MAGI1: variants seen among roughly 807,000 people sequenced by gnomAD.
The protein encoded by MAGI1 is membrane associated guanylate kinase, WW and PDZ domain containing 1.
In MAGI1, 58 loss-of-function variants were observed where a neutral mutation model predicts 139.9. The ratio of observed to expected loss-of-function variants is 0.41; its 90% CI spans 0.34 to 0.52. The LOEUF (loss-of-function observed/expected upper bound fraction) is 0.52, where lower values mean the gene tolerates loss of function less well. MAGI1 is among the 20% of genes least tolerant of loss of function. The pLI, the probability that MAGI1 is intolerant of heterozygous loss-of-function variation, is 0.12. For synonymous variants in MAGI1, 812 were observed against 737.9 expected (o/e 1.10, Z -1.63); for missense variants, 1,874 against 1,901.6 (o/e 0.99, Z 0.27).
At chr3:65,615,634 A>G (rs2083329981) in intron 2 of MAGI1, among the ~76,000 whole-genome samples, 1 of 152,132 alleles carries the variant, frequency 6.6e-6, no homozygotes, top group Non-Finnish European at 1.5e-5. Context: ...CAGAATAACA[A>G]AGAACCTTCC....
At chr3:65,374,399 C>T (rs1942301367) in intron 18 of MAGI1, among the ~76,000 whole-genome samples, 1 of 137,082 alleles carries the variant, frequency 7.3e-6, no homozygotes, top group Admixed American at 8.2e-5. Flanking sequence ...CTCACTGCAA[C>T]CTCCGCCTCC....
chr3:65,383,634 G>C lies in MAGI1; in HGVS notation c.2417-11C>G. The C allele has an allele frequency of 6.5e-7, 1 of 1,543,316 alleles. No individual in the cohort carries two copies. The highest frequency in any genetic ancestry group is 9.0e-7 in the Non-Finnish European group (1 of 1,115,988). On this transcript the variant is annotated splice_polypyrimidine_tract_variant and intron_variant, in intron 14 of 22. Transcript: ENST00000402939. ...CCTGGTAATCTGGAACTGCAGAGAG[G>C]GGAGAAAAAAGAGAAGGATTATTTT...
chr3:65,961,784 A>T (rs929426414), intron 1 of MAGI1, among the ~76,000 whole-genome samples: 1 of 152,194 alleles, frequency 6.6e-6, no homozygotes, highest in East Asian at 1.9e-4. Flanking sequence ...AAACTTTCCA[A>T]TAAAGACAGA....
At chr3:65,385,675 A>G (rs558109317) in intron 14 of MAGI1, among the ~76,000 whole-genome samples, 197 of 152,342 alleles carry the variant, frequency 1.3e-3, no homozygotes, top group African/African-American at 4.6e-3. Flanking sequence ...TACTTGAGCT[A>G]TCTCAGTGCC....
chr3:65,357,826 C>T (rs980428768), intron 22 of MAGI1, among the ~76,000 whole-genome samples: 2 of 152,064 alleles, frequency 1.3e-5, no homozygotes, highest in African/African-American at 2.4e-5. Flanking sequence ...CAGATGTTGA[C>T]GACTGGCAAA....
intron 1 of MAGI1, among the ~76,000 whole-genome samples, chr3:65,988,182 C>G (rs560163727): frequency 1.3e-5 from 2 of 151,862 alleles, no homozygotes; most frequent in South Asian, 4.2e-4. Context: ...ATTCAGGGAC[C>G]CCTACAAGTT....
chr3:65,867,986 C>T (rs968268162), intron 1 of MAGI1, among the ~76,000 whole-genome samples: 2 of 152,138 alleles, frequency 1.3e-5, no homozygotes, highest in East Asian at 1.9e-4. Context: ...AATCCATAAG[C>T]TGCTCCTCCC....
At chr3:65,410,764 G>A (rs1945731871) in intron 12 of MAGI1, among the ~76,000 whole-genome samples, 1 of 151,804 alleles carries the variant, frequency 6.6e-6, no homozygotes, top group African/African-American at 2.4e-5. Context: ...CTAAATCACT[G>A]GTCATTCAAG....
intron 1 of MAGI1, among the ~76,000 whole-genome samples, chr3:65,749,710 TAAA>T (rs11328627): frequency 1.5e-5 from 2 of 134,816 alleles, no homozygotes; most frequent in Admixed American, 7.4e-5. Flanking sequence ...TAGTCTGAGT[TAAA>T]AAAAAAAAAA....
Position 65,375,781 on chromosome 3 carries a change from C to G in MAGI1, c.3160G>C (p.Gly1054Arg). The G allele has an allele frequency of 1.9e-6, 3 of 1,613,886 alleles. No homozygotes were observed. The highest frequency in any genetic ancestry group is 1.7e-5 in the Admixed American group (1 of 60,000). Residue 1054 changes from glycine (G) to arginine (R), a missense_variant, in exon 18 of 23, where the codon GGA (glycine) becomes CGA (arginine). Gly to Arg is a moderately radical substitution (Grantham distance 125). Around this residue, in one of 5 missense-constraint regions of MAGI1, gnomAD observed 653 missense variants for 644.5 expected, o/e 1.01. Coordinates refer to ENST00000402939, the MANE Select transcript of MAGI1 (RefSeq NM_001033057.2). ...SDIVNLIKEA[G>R]NTVTLRIIPG... is the part of the protein sequence containing the mutation. ...ATGATGCGGAGGGTAACTGTGTTTC[C>G]CGCTTCCTTGATTAGGTTCACAATG...
intron 1 of MAGI1, among the ~76,000 whole-genome samples, chr3:65,779,403 T>C (rs1024081359): frequency 6.6e-6 from 1 of 152,246 alleles, no homozygotes; most frequent in Non-Finnish European, 1.5e-5. Flanking sequence ...CTATATCAGA[T>C]GCCATACACT....
In MAGI1 at chr3:65,772,488, G is replaced by A. The variant is rs561530644; in HGVS notation, c.314-150400C>T. On this transcript the variant is annotated intron_variant, in intron 1 of 22. Coordinates refer to ENST00000402939, the MANE Select transcript of MAGI1 (RefSeq NM_001033057.2). The stretch of plus-strand genomic sequence containing the variant: ...ACCAATGTAGGCAAAAGACCTAACT[G>A]AGCCAACTGAGTTCTCTGCAGAGAA... Among the ~76,000 whole-genome samples, 17 of 152,252 alleles carry A rather than the reference G, an allele frequency of 1.1e-4. No homozygotes were observed. The South Asian group carries it at 1.7e-3, about 15-fold the overall frequency.
intron 12 of MAGI1, among the ~76,000 whole-genome samples, chr3:65,421,838 TG>T (rs1314537712): frequency 6.6e-6 from 1 of 152,154 alleles, no homozygotes; most frequent in Non-Finnish European, 1.5e-5. Flanking sequence ...CCTCTGAGTG[TG>T]AATTCCTTGC....
At chr3:65,791,530 T>A (rs2039770398) in intron 1 of MAGI1, among the ~76,000 whole-genome samples, 1 of 152,128 alleles carries the variant, frequency 6.6e-6, no homozygotes, top group Admixed American at 6.5e-5. Context: ...TACAGTTACA[T>A]ATTTTAAACA....
At chr3:65,522,527 A>T (rs2078209763) in intron 2 of MAGI1, among the ~76,000 whole-genome samples, 1 of 152,210 alleles carries the variant, frequency 6.6e-6, no homozygotes, top group African/African-American at 2.4e-5. Context: ...GACCCAGTGT[A>T]CAACAACAAA....
intron 1 of MAGI1, among the ~76,000 whole-genome samples, chr3:65,676,387 T>C (rs1271311495): frequency 6.6e-6 from 1 of 152,194 alleles, no homozygotes; most frequent in Non-Finnish European, 1.5e-5. Flanking sequence ...ACTGCAATAA[T>C]CACGGTTAGT....
chr3:65,862,885 G>T (rs1013379778), intron 1 of MAGI1, among the ~76,000 whole-genome samples: 1 of 152,182 alleles, frequency 6.6e-6, no homozygotes, highest in African/African-American at 2.4e-5. Context: ...GAGTTTCTCT[G>T]TTATGGCAGC....
At chr3:65,959,459 GT>G (rs2064299725) in intron 1 of MAGI1, among the ~76,000 whole-genome samples, 1 of 151,798 alleles carries the variant, frequency 6.6e-6, no homozygotes, top group Non-Finnish European at 1.5e-5. Context: ...TGTTATTTTG[GT>G]TTTTCCTTTT....
At chr3:65,721,445 C>A (rs887701841) in intron 1 of MAGI1, among the ~76,000 whole-genome samples, 1 of 152,162 alleles carries the variant, frequency 6.6e-6, no homozygotes, top group African/African-American at 2.4e-5. Flanking sequence ...CTGTCCTAAG[C>A]AAGCTAGTAA....
Sources: allele counts gnomAD v4.1 joint callset (sites outside exome capture counted in the v4.1 genomes callset), GRCh38; gene constraint gnomAD v4.1.1; regional missense constraint gnomAD v4.1.1; transcripts MANE v1.5; gene names NCBI Gene and HGNC (gene_info 2026-07-23, HGNC 2026-07-21).